The following KANTR variants were observed in gnomAD, a reference collection of about 807,000 sequenced individuals.
The protein encoded by KANTR is KDM5C adjacent transcript.
downstream of KANTR, among the ~76,000 whole-genome samples, chrX:53,131,996 A>T (rs918933417): frequency 8.9e-6 from 1 of 112,342 alleles, no homozygotes; most frequent in African/African-American, 3.2e-5. Context: ...GAACAATTGG[A>T]TACAGAAAGT....
chrX:53,111,160 GCAACGAC>G (rs1448879161), intron 2 of KANTR, among the ~76,000 whole-genome samples: 1 of 108,002 alleles, frequency 9.3e-6, no homozygotes, highest in Non-Finnish European at 1.9e-5. Flanking sequence ...CTAGAGGCAT[GCAACGAC>G]CACACCCGGC....
At chrX:53,143,008 G>C, downstream of KANTR, 1 of 1,152,248 alleles carries the variant, frequency 8.7e-7, no homozygotes, top group Non-Finnish European at 1.2e-6. Flanking sequence ...AGGGCACATG[G>C]TGGTGCTGCT....
At chrX:53,106,423 G>A (rs1932954621) in intron 2 of KANTR, among the ~76,000 whole-genome samples, 1 of 109,745 alleles carries the variant, frequency 9.1e-6, no homozygotes, top group Non-Finnish European at 1.9e-5. Flanking sequence ...TTTGTTTCAA[G>A]ACAGGGTCTC....
At chrX:53,139,216 G>A (rs375459269) in intron 2 of KANTR, among the ~76,000 whole-genome samples, 931 of 38,082 alleles carry the variant, frequency 0.024, 15 homozygotes, top group African/African-American at 0.062. Context: ...GCGAGACTCC[G>A]TCTCAAAAAA....
intron 2 of KANTR, among the ~76,000 whole-genome samples, chrX:53,138,064 A>G (rs1933450353): frequency 9.2e-6 from 1 of 108,306 alleles, no homozygotes; most frequent in Admixed American, 9.9e-5. Flanking sequence ...CTTTGAATTT[A>G]TTTTTATTTA....
chrX:53,102,163 A>G (rs905910375), intron 2 of KANTR, among the ~76,000 whole-genome samples: 1 of 112,346 alleles, frequency 8.9e-6, no homozygotes, highest in Non-Finnish European at 1.9e-5. Context: ...TTTGCCACAA[A>G]CCTTCAATTA....
chrX:53,104,974 T>C (rs929263018), intron 2 of KANTR, among the ~76,000 whole-genome samples: 1 of 110,750 alleles, frequency 9.0e-6, no homozygotes, highest in Non-Finnish European at 1.9e-5. Context: ...AACCTCCACC[T>C]CCTGGGCTCA....
At chrX:53,095,988 G>C (rs888836645) in intron 1 of KANTR, among the ~76,000 whole-genome samples, 1 of 110,686 alleles carries the variant, frequency 9.0e-6, no homozygotes, top group African/African-American at 3.3e-5. Context: ...CGCCTCAGGG[G>C]TTTTGCATTC....
chrX:53,131,113 T>G (rs1933356839), downstream of KANTR, among the ~76,000 whole-genome samples: 1 of 111,232 alleles, frequency 9.0e-6, no homozygotes, highest in Non-Finnish European at 1.9e-5. Flanking sequence ...CAGGAGTTGA[T>G]TCACATACTC....
exon 3 of KANTR, chrX:53,126,218 C>T (rs1452396920): frequency 1.8e-5 from 2 of 110,666 alleles, no homozygotes; most frequent in African/African-American, 6.6e-5. Context: ...TGTCATGCTT[C>T]GTGGCTCAGT....
At chrX:53,105,461 A>G (rs1318342808) in intron 2 of KANTR, among the ~76,000 whole-genome samples, 2 of 103,761 alleles carry the variant, frequency 1.9e-5, no homozygotes, top group Non-Finnish European at 3.9e-5. Context: ...TAATTGGATT[A>G]TGTGTCTTTT....
downstream of KANTR, among the ~76,000 whole-genome samples, chrX:53,129,128 C>T (rs904033673): frequency 2.1e-5 from 2 of 95,427 alleles, no homozygotes; most frequent in Non-Finnish European, 4.1e-5. Flanking sequence ...AGTGCAGTGG[C>T]GCTATCTGGG....
intron 2 of KANTR, among the ~76,000 whole-genome samples, chrX:53,121,627 G>GT (rs199558787): frequency 1.8e-4 from 19 of 105,504 alleles, no homozygotes; most frequent in East Asian, 3.0e-4. Context: ...TTTGTTTTTG[G>GT]TTTTTTTTTC....
intron 2 of KANTR, among the ~76,000 whole-genome samples, chrX:53,109,806 G>A (rs1398490279): frequency 5.7e-5 from 6 of 104,973 alleles, no homozygotes; most frequent in African/African-American, 2.1e-4. Context: ...CCAAGCGGGA[G>A]TGCAGTGGCA....
downstream of KANTR, among the ~76,000 whole-genome samples, chrX:53,128,384 G>A (rs1264429043): frequency 9.0e-6 from 1 of 111,352 alleles, no homozygotes; most frequent in Non-Finnish European, 1.9e-5. Flanking sequence ...AGCCCCTAAG[G>A]AATACACAAC....
At chrX:53,133,725 G>A (rs1469050837) in intron 2 of KANTR, among the ~76,000 whole-genome samples, 6 of 111,479 alleles carry the variant, frequency 5.4e-5, no homozygotes, top group African/African-American at 6.5e-5. Flanking sequence ...GAGTTAGAGC[G>A]GCCCATTCCC....
chrX:53,147,301 A>C (rs1933590659), downstream of KANTR, among the ~76,000 whole-genome samples: 1 of 111,797 alleles, frequency 8.9e-6, no homozygotes, highest in African/African-American at 3.3e-5. Flanking sequence ...AAACAAAAAA[A>C]GGCAGGGGTT....
chrX:53,120,939 C>T (rs1933209233), intron 2 of KANTR, among the ~76,000 whole-genome samples: 1 of 109,725 alleles, frequency 9.1e-6, no homozygotes, highest in African/African-American at 3.3e-5. Context: ...CCAGGCTGAT[C>T]TTGAACTCCT....
At chrX:53,107,739 C>T (rs1932971928) in intron 2 of KANTR, among the ~76,000 whole-genome samples, 1 of 109,233 alleles carries the variant, frequency 9.2e-6, no homozygotes, top group South Asian at 3.8e-4. Context: ...TTAATTTCCT[C>T]ATGCTTTTAT....
Sources: allele counts gnomAD v4.1 joint callset (sites outside exome capture counted in the v4.1 genomes callset), GRCh38; gene constraint gnomAD v4.1.1; transcripts MANE v1.5; gene names NCBI Gene and HGNC (gene_info 2026-07-23, HGNC 2026-07-21).